TANC1: variants seen among roughly 807,000 people sequenced by gnomAD.
The protein encoded by TANC1 is tetratricopeptide repeat, ankyrin repeat and coiled-coil containing 1.
In TANC1, 77 loss-of-function variants were observed where a neutral mutation model predicts 149.7. The observed-to-expected ratio is 0.51, with a 90% CI of 0.43 to 0.62. The LOEUF (loss-of-function observed/expected upper bound fraction) is 0.62. Ranked by LOEUF, TANC1 falls within the 20% of genes least tolerant of loss-of-function variation. The pLI is 0.00. For synonymous variants in TANC1, 854 were observed against 925.0 expected (o/e 0.92, Z 1.39); for missense variants, 1,985 against 2,321.8 (o/e 0.85, Z 2.98).
At chr2:159,052,494 A>G (rs1453273756) in intron 2 of TANC1, among the ~76,000 whole-genome samples, 2 of 152,222 alleles carry the variant, frequency 1.3e-5, no homozygotes, top group Non-Finnish European at 2.9e-5. Flanking sequence ...GGCACTCCCC[A>G]GAAGTGGGCC....
At chr2:159,204,629 C>A (rs920299083) in intron 19 of TANC1, among the ~76,000 whole-genome samples, 1 of 152,224 alleles carries the variant, frequency 6.6e-6, no homozygotes, top group African/African-American at 2.4e-5. Flanking sequence ...GAGCCCCATG[C>A]TTCATGCACA....
chr2:159,192,253 A>G (rs1366387068), intron 16 of TANC1, among the ~76,000 whole-genome samples: 3 of 152,162 alleles, frequency 2.0e-5, no homozygotes, highest in African/African-American at 7.2e-5. Flanking sequence ...ACATCCCTAT[A>G]AAGTATTTGT....
intron 8 of TANC1, among the ~76,000 whole-genome samples, chr2:159,165,956 G>GT (rs1447311946): frequency 7.2e-5 from 11 of 152,128 alleles, no homozygotes; most frequent in African/African-American, 2.2e-4. Context: ...ACAGTGACAG[G>GT]TTTTTTTATT....
rs1411968328 is a variant in TANC1 at position 159,105,011 on chromosome 2, T to TCC, written c.259+7177_259+7178insCC. Among the ~76,000 whole-genome samples the TCC allele has an allele frequency of 2.0e-3, 96 of 49,034 alleles. 1 individual carries two copies. Among genetic ancestry groups the TCC allele is most frequent in the African/African-American group, 6.2e-3 (90 of 14,512 alleles). The allele number at this position is 49,034 out of a possible 152,430, so 32.2% of individuals were successfully genotyped here. A position where few individuals can be genotyped will look rare whatever the true frequency, so the allele number is the denominator to read the frequency against. On this transcript the variant is annotated intron_variant, in intron 4 of 26. Coordinates refer to ENST00000263635, the MANE Select transcript of TANC1 (RefSeq NM_033394.3). Reference sequence around the variant, plus strand: ...TTTTTTTTTTTTTTTTTTTTTTTTTTTGAGATGGAGTCTCGCTCTATTGCC... The same window carrying TCC: ...TTTTTTTTTTTTTTTTTTTTTTTTTTCCTGAGATGGAGTCTCGCTCTATTGCC...
At chr2:159,022,920 A>G (rs927838773) in intron 2 of TANC1, among the ~76,000 whole-genome samples, 1 of 152,124 alleles carries the variant, frequency 6.6e-6, no homozygotes, top group Non-Finnish European at 1.5e-5. Context: ...CATGACCCAA[A>G]TATTCATCAG....
Position 159,217,595 on chromosome 2 carries a change from C to G in TANC1, c.3343C>G (p.Pro1115Ala). The G allele has an allele frequency of 6.2e-7, 1 of 1,614,238 alleles. No individual in the cohort carries two copies. The highest frequency in any genetic ancestry group is 8.5e-7 in the Non-Finnish European group (1 of 1,180,046). The stretch of plus-strand genomic sequence containing the variant: ...GCGGACAAACAGGAGAGGGGTTCCA[C>G]CTTTGTTTTGTGCAGCACGCCAGGG... ...VSRTNRRGVP[P>A]LFCAARQGHW... The change falls in exon 20 of 27, where the codon CCT becomes GCT. Residue 1115 changes from proline to alanine, a missense_variant. Coordinates refer to ENST00000263635, the MANE Select transcript of TANC1 (RefSeq NM_033394.3).
chr2:159,129,998 A>G (rs560636660), intron 4 of TANC1, among the ~76,000 whole-genome samples: 1 of 152,168 alleles, frequency 6.6e-6, no homozygotes, highest in East Asian at 1.9e-4. Flanking sequence ...AAGCCTGTGC[A>G]CGTTACAGCT....
chr2:159,028,003 A>C (rs936710627), intron 2 of TANC1, among the ~76,000 whole-genome samples: 6 of 151,554 alleles, frequency 4.0e-5, no homozygotes, highest in African/African-American at 4.8e-5. Context: ...CATCCCGATG[A>C]CCTCATCTCA....
At chr2:158,984,732 G>A (rs1274306132) in intron 1 of TANC1, among the ~76,000 whole-genome samples, 6 of 152,084 alleles carry the variant, frequency 3.9e-5, no homozygotes, top group African/African-American at 1.2e-4. Flanking sequence ...GGGAGGAGGG[G>A]GAGGAGGTGA....
chr2:159,210,445 T>C (rs2058907984), intron 19 of TANC1, among the ~76,000 whole-genome samples: 1 of 152,230 alleles, frequency 6.6e-6, no homozygotes, highest in South Asian at 2.1e-4. Flanking sequence ...GCAAATCAAA[T>C]CTTTTCCCAG....
intron 4 of TANC1, 28 bp downstream of exon 4, chr2:159,097,862 G>C: frequency 6.3e-7 from 1 of 1,596,498 alleles, no homozygotes; most frequent in Non-Finnish European, 8.6e-7. Context: ...GAGCTGCCTT[G>C]GTTATATATG....
chr2:159,093,472 G>A (rs927046548), intron 3 of TANC1, among the ~76,000 whole-genome samples: 11 of 152,112 alleles, frequency 7.2e-5, no homozygotes, highest in Non-Finnish European at 1.2e-4. Flanking sequence ...CTTTCTGCCC[G>A]TGGCATCATC....
At chr2:159,097,602 G>T in intron 3 of TANC1, 35 bp from the exon 4 acceptor site, 1 of 1,517,840 alleles carries the variant, frequency 6.6e-7, no homozygotes, top group Admixed American at 1.7e-5. Context: ...ATAATGAATG[G>T]ATGGTTTAAC....
chr2:159,225,930 CCAG>C (rs2059997991), intron 24 of TANC1, 151 bp downstream of exon 24: 1 of 697,984 alleles, frequency 1.4e-6, no homozygotes, highest in Non-Finnish European at 2.6e-6. Flanking sequence ...GCCTGTAACT[CCAG>C]CACTTTTGGA....
chr2:159,228,928 CT>C, intron 26 of TANC1, 32 bp downstream of exon 26: 5 of 1,568,212 alleles, frequency 3.2e-6, no homozygotes, highest in Non-Finnish European at 4.4e-6. Context: ...GTGTCTAGAG[CT>C]TTTTTTCTTG....
intron 7 of TANC1, among the ~76,000 whole-genome samples, chr2:159,158,385 C>T (rs1279142180): frequency 6.6e-6 from 1 of 152,010 alleles, no homozygotes; most frequent in Non-Finnish European, 1.5e-5. Flanking sequence ...CATGTAGAGC[C>T]CCATTCTAGG....
Position 159,228,316 on chromosome 2 carries a change from C to T in TANC1, c.4050+351C>T, listed in dbSNP as rs914345330. 12 of 285,688 alleles carry T rather than the reference C, an allele frequency of 4.2e-5. No homozygotes were observed. The East Asian group carries it at 9.3e-4, about 22-fold the overall frequency. 17.7% of individuals were successfully genotyped at this position (285,688 alleles called of 1,614,324 possible). A position where few individuals can be genotyped will look rare whatever the true frequency, so the allele number is the denominator to read the frequency against. ...ACCCAAGCCTATTGTGGTGGGCCTG[C>T]CTTCTGTGTTAGGTTTGCTCAGAGG... On this transcript the variant is annotated intron_variant, in intron 25 of 26. Transcript: ENST00000263635.
intron 3 of TANC1, among the ~76,000 whole-genome samples, chr2:159,089,928 C>T (rs2045349347): frequency 6.6e-6 from 1 of 152,224 alleles, no homozygotes. Flanking sequence ...ATTTCACCCA[C>T]TTGCCAAGTT....
At chr2:159,061,534 A>T (rs1022022620) in intron 2 of TANC1, among the ~76,000 whole-genome samples, 2 of 152,214 alleles carry the variant, frequency 1.3e-5, no homozygotes, top group African/African-American at 4.8e-5. Flanking sequence ...TTTTTGTTCA[A>T]TCATGCTTCT....
Sources: allele counts gnomAD v4.1 joint callset (sites outside exome capture counted in the v4.1 genomes callset), GRCh38; gene constraint gnomAD v4.1.1; transcripts MANE v1.5; gene names NCBI Gene and HGNC (gene_info 2026-07-23, HGNC 2026-07-21).